The following LDLRAD4 variants were observed in gnomAD, a reference collection of about 807,000 sequenced individuals.
LDLRAD4 encodes the protein low-density lipoprotein receptor class A domain-containing protein 4.
A neutral mutation model predicts 17.0 loss-of-function variants in LDLRAD4; 5 were observed. The observed-to-expected ratio is 0.29, with a 90% CI of 0.15 to 0.62. LDLRAD4 has a LOEUF of 0.62. Among genes scored for constraint, LDLRAD4 ranks in the 20% least tolerant of loss-of-function variants. The probability of loss-of-function intolerance (pLI) is 0.84; values close to 1 mark genes in which losing one functional copy is unlikely to be tolerated. For synonymous variants in LDLRAD4, 168 were observed against 171.8 expected (o/e 0.98, Z 0.17); for missense variants, 340 against 424.7 (o/e 0.80, Z 1.75).
intron 2 of LDLRAD4, chr18:13,420,052 A>G (rs984118621): frequency 7.2e-5 from 11 of 152,214 alleles, no homozygotes; most frequent in African/African-American, 2.4e-4. Context: ...TGACACCTAC[A>G]ATACTGAGAA....
Position 13,367,078 on chromosome 18 carries a change from C to T in LDLRAD4, c.-382-20263C>T, listed in dbSNP as rs371376031. On this transcript the variant is annotated intron_variant, in intron 1 of 5. Transcript: ENST00000359446. This position sits in a 1 kb window ranked among gnomAD's most constrained non-coding sequence, Gnocchi z 4.1. ...CGTTTCAGCATCAGGTCAGTTTACTCTTAGGACATTTGCCCACAGCGAGAT... is the reference window on the plus strand; with the variant it reads ...CGTTTCAGCATCAGGTCAGTTTACTTTTAGGACATTTGCCCACAGCGAGAT... Among the ~76,000 whole-genome samples, 48 of 152,308 alleles carry T rather than the reference C, an allele frequency of 3.2e-4. No individual in the cohort carries two copies. In the East Asian group the frequency reaches 8.7e-3, roughly 28 times the overall value.
intron 3 of LDLRAD4, chr18:13,488,148 C>T: frequency 6.5e-6 from 1 of 152,740 alleles, no homozygotes; most frequent in Non-Finnish European, 1.5e-5. Flanking sequence ...ACAGCCTTGG[C>T]CCCCTTTCCG....
chr18:13,309,257 G>A (rs756167321), intron 1 of LDLRAD4, among the ~76,000 whole-genome samples: 10 of 152,220 alleles, frequency 6.6e-5, no homozygotes, highest in Admixed American at 3.9e-4. Flanking sequence ...GGGAGCTGGG[G>A]TACGGTTCTT....
intron 1 of LDLRAD4, among the ~76,000 whole-genome samples, chr18:13,239,391 A>G (rs1351322203): frequency 6.6e-6 from 1 of 151,402 alleles, no homozygotes; most frequent in Non-Finnish European, 1.5e-5. Context: ...GTTTAAACAG[A>G]CTCCCTCTCC....
At chr18:13,612,660 G>T in intron 3 of LDLRAD4, 1 of 1,613,598 alleles carries the variant, frequency 6.2e-7, no homozygotes. Context: ...TTGAACGTGG[G>T]GGGGCTGCGT....
chr18:13,472,130 G>T (rs372684603), intron 3 of LDLRAD4: 1 of 152,216 alleles, frequency 6.6e-6, no homozygotes, highest in African/African-American at 2.4e-5. Context: ...GGGCCTGGCC[G>T]TCAGGGAAGG....
exon 6 of LDLRAD4, chr18:13,650,301 G>C: frequency 2.5e-6 from 1 of 404,650 alleles, no homozygotes; most frequent in Non-Finnish European, 4.4e-6. Flanking sequence ...GGAAGCTGCT[G>C]TCTGAGTGTA....
At chr18:13,437,869 G>A (rs758501579) in intron 2 of LDLRAD4, among the ~76,000 whole-genome samples, 44 of 152,220 alleles carry the variant, frequency 2.9e-4, no homozygotes, top group Non-Finnish European at 5.3e-4. Flanking sequence ...CCCCATTCTC[G>A]GAAGTGTGGA....
At chr18:13,260,224 C>T (rs1031505647) in intron 1 of LDLRAD4, among the ~76,000 whole-genome samples, 5 of 152,186 alleles carry the variant, frequency 3.3e-5, no homozygotes, top group African/African-American at 1.2e-4. Context: ...GCTGAGTGCC[C>T]ACTTGCCAAG....
At chr18:13,626,784 G>A (rs552711199) in intron 4 of LDLRAD4, among the ~76,000 whole-genome samples, 10 of 152,312 alleles carry the variant, frequency 6.6e-5, no homozygotes, top group African/African-American at 1.7e-4. Flanking sequence ...TGGCTGTTGC[G>A]GAGGAGGACA....
Position 13,440,441 on chromosome 18 carries a change from T to TA in LDLRAD4, c.181+2058dup, listed in dbSNP as rs2090950867. Among the ~76,000 whole-genome samples the TA allele has an allele frequency of 2.0e-5, 3 of 152,308 alleles. No individual in the cohort carries two copies. The highest frequency in any genetic ancestry group is 1.9e-4 in the East Asian group (1 of 5,186). ...CAACTTTGCCCTAACAGAGGAGTCTTACGATCCTGTTGGCAAACTCTTGGC... is the reference window on the plus strand; with the variant it reads ...CAACTTTGCCCTAACAGAGGAGTCTTAACGATCCTGTTGGCAAACTCTTGGC... On this transcript the variant is annotated intron_variant, in intron 3 of 5. Transcript: ENST00000359446. This position sits in a 1 kb window ranked among gnomAD's most constrained non-coding sequence, Gnocchi z 4.4.
intron 1 of LDLRAD4, among the ~76,000 whole-genome samples, chr18:13,280,561 C>T (rs1165011284): frequency 6.6e-6 from 1 of 152,182 alleles, no homozygotes; most frequent in Non-Finnish European, 1.5e-5. Context: ...ACACGGCATC[C>T]TGCTGGAGCG....
intron 2 of LDLRAD4, among the ~76,000 whole-genome samples, chr18:13,434,106 AAC>A (rs2090509502): frequency 6.6e-6 from 1 of 152,186 alleles, no homozygotes; most frequent in Admixed American, 6.5e-5. Flanking sequence ...ATAACTCCAC[AAC>A]ACAGAAAAAC....
intron 3 of LDLRAD4, chr18:13,612,554 C>A (rs911158253): frequency 3.3e-5 from 48 of 1,451,262 alleles, no homozygotes; most frequent in African/African-American, 2.8e-4. Context: ...CACCCCCCCC[C>A]CCTCCACGCT....
At chr18:13,521,791 T>C (rs2093957479) in intron 3 of LDLRAD4, 2 of 151,332 alleles carry the variant, frequency 1.3e-5, no homozygotes, top group African/African-American at 4.9e-5. Flanking sequence ...GAATGAGATA[T>C]ATGGAAAAAT....
At chr18:13,264,338 C>CA (rs2044093110) in intron 1 of LDLRAD4, among the ~76,000 whole-genome samples, 1 of 152,282 alleles carries the variant, frequency 6.6e-6, no homozygotes, top group Non-Finnish European at 1.5e-5. Context: ...ATCCTCAGAG[C>CA]AGGCCTTGCT....
At chr18:13,472,509 T>TGCAGGG (rs2092807466) in intron 3 of LDLRAD4, 2 of 152,386 alleles carry the variant, frequency 1.3e-5, no homozygotes, top group Non-Finnish European at 2.9e-5. Context: ...ATCCCGACCC[T>TGCAGGG]GTCCAGGCTG....
At chr18:13,229,928 T>C (rs2041990286) in intron 1 of LDLRAD4, among the ~76,000 whole-genome samples, 1 of 152,250 alleles carries the variant, frequency 6.6e-6, no homozygotes, top group Non-Finnish European at 1.5e-5. Flanking sequence ...CAATGTACTT[T>C]GGTCAATCAA....
At chr18:13,267,094 C>T (rs2044262616) in intron 1 of LDLRAD4, among the ~76,000 whole-genome samples, 4 of 152,246 alleles carry the variant, frequency 2.6e-5, no homozygotes, top group African/African-American at 7.2e-5. Context: ...ATGAATGCGA[C>T]TGCTAACATT....
Sources: allele counts gnomAD v4.1 joint callset (sites outside exome capture counted in the v4.1 genomes callset), GRCh38; gene constraint gnomAD v4.1.1; non-coding constraint Gnocchi (gnomAD v3.1); transcripts MANE v1.5; gene names NCBI Gene and HGNC (gene_info 2026-07-23, HGNC 2026-07-21).